REEP3: variants seen among roughly 807,000 people sequenced by gnomAD.
The protein encoded by REEP3 is receptor accessory protein 3.
Under a neutral mutation model 41.3 loss-of-function variants are expected in REEP3, and 20 were observed. The ratio of observed to expected loss-of-function variants is 0.48; its 90% CI spans 0.34 to 0.70. The LOEUF (loss-of-function observed/expected upper bound fraction) is 0.70, where lower values mean the gene tolerates loss of function less well. Among genes scored for constraint, REEP3 ranks in the 30% least tolerant of loss-of-function variants. REEP3 has a pLI of 0.01. For synonymous variants in REEP3, 104 were observed against 101.8 expected (o/e 1.02, Z -0.13); for missense variants, 271 against 308.8 (o/e 0.88, Z 0.92).
intron 5 of REEP3, among the ~76,000 whole-genome samples, 163 bp from the exon 6 acceptor site, chr10:63,610,024 A>G (rs1455387083): frequency 6.6e-6 from 1 of 152,210 alleles, no homozygotes; most frequent in Non-Finnish European, 1.5e-5. Context: ...GGTAGATGGT[A>G]GGTATGTGAG....
At chr10:63,594,958 C>A in intron 3 of REEP3, 104 bp downstream of exon 3, 1 of 754,534 alleles carries the variant, frequency 1.3e-6, no homozygotes, top group Non-Finnish European at 2.3e-6. Flanking sequence ...CATCAGGTTA[C>A]CTAATTATCC....
At chr10:63,580,331 C>G (rs1237190807) in intron 2 of REEP3, among the ~76,000 whole-genome samples, 1 of 152,068 alleles carries the variant, frequency 6.6e-6, no homozygotes, top group Non-Finnish European at 1.5e-5. Context: ...AGACGGGGGT[C>G]TCACTATGTT....
Position 63,597,495 on chromosome 10 carries a change from A to T in REEP3, c.183-529A>T, listed in dbSNP as rs566607919. ...GGCAGCTTTCCTATGCTTACTACAA[A>T]GGAAGATTCTTGTATTAGAATGAGG... is the stretch of plus-strand genomic sequence containing the variant. On this transcript the variant is annotated intron_variant, in intron 3 of 7. Coordinates refer to ENST00000373758, the MANE Select transcript of REEP3 (RefSeq NM_001001330.3). Among the ~76,000 whole-genome samples the T allele has an allele frequency of 2.6e-5, 4 of 152,334 alleles. No homozygotes were observed. In the South Asian group the frequency reaches 8.3e-4, roughly 32 times the overall value.
chr10:63,584,446 A>AC (rs1263407871), intron 2 of REEP3, among the ~76,000 whole-genome samples: 1 of 151,536 alleles, frequency 6.6e-6, no homozygotes, highest in African/African-American at 2.4e-5. Flanking sequence ...AAAAAAAAAA[A>AC]AAAACTATTT....
intron 1 of REEP3, among the ~76,000 whole-genome samples, chr10:63,550,719 G>C (rs1955621375): frequency 6.6e-6 from 1 of 152,116 alleles, no homozygotes; most frequent in African/African-American, 2.4e-5. Context: ...GGCCCAATAA[G>C]CCACAAACCT....
intron 1 of REEP3, among the ~76,000 whole-genome samples, chr10:63,533,987 C>T (rs537231297): frequency 6.6e-6 from 1 of 151,994 alleles, no homozygotes; most frequent in Admixed American, 6.5e-5. Flanking sequence ...GGATTGCAGA[C>T]ATGACCCACC....
In REEP3 at chr10:63,578,504, G is replaced by A. The variant is rs541273067; in HGVS notation, c.105+12094G>A. On this transcript the variant is annotated intron_variant, in intron 2 of 7. Coordinates refer to ENST00000373758, the MANE Select transcript of REEP3 (RefSeq NM_001001330.3). ...AAGTAATATATGGCCGGGCATGGTA[G>A]CTCACACCTATATCTCAGCACTTTG... Among the ~76,000 whole-genome samples the A allele has an allele frequency of 1.2e-4, 18 of 152,248 alleles. No individual in the cohort carries two copies. In the South Asian group the frequency reaches 3.7e-3, roughly 32 times the overall value.
rs557329140 is a variant in REEP3 at position 63,589,082 on chromosome 10, T to C, written c.106-5696T>C. ...CTTTCCAGGCTATAGTAAGCAATGATTGGGAACCATGGGAGGGGTTTGAGC... is the reference window on the plus strand; with the variant it reads ...CTTTCCAGGCTATAGTAAGCAATGACTGGGAACCATGGGAGGGGTTTGAGC... On this transcript the variant is annotated intron_variant, in intron 2 of 7. Coordinates refer to ENST00000373758, the MANE Select transcript of REEP3 (RefSeq NM_001001330.3). Among the ~76,000 whole-genome samples, 4 of 152,216 alleles carry C rather than the reference T, an allele frequency of 2.6e-5. No individual in the cohort carries two copies. The East Asian group carries it at 5.8e-4, about 22-fold the overall frequency.
intron 1 of REEP3, 39 bp downstream of exon 1, chr10:63,521,616 C>A: frequency 7.3e-7 from 1 of 1,368,682 alleles, no homozygotes; most frequent in South Asian, 1.6e-5. Context: ...CGGCGCGAGG[C>A]CCAGGGGAGC....
At chr10:63,571,218 A>G (rs1033513113) in intron 2 of REEP3, among the ~76,000 whole-genome samples, 3 of 152,196 alleles carry the variant, frequency 2.0e-5, no homozygotes, top group African/African-American at 7.2e-5. Flanking sequence ...ACGAGTTTCA[A>G]AGTACTTTTG....
intron 2 of REEP3, among the ~76,000 whole-genome samples, chr10:63,573,017 T>A (rs1400134150): frequency 6.6e-6 from 1 of 152,366 alleles, no homozygotes. Context: ...TATTTGGTTA[T>A]GACCTAAATT....
At chr10:63,531,591 C>T (rs1420953417) in intron 1 of REEP3, among the ~76,000 whole-genome samples, 2 of 152,164 alleles carry the variant, frequency 1.3e-5, no homozygotes, top group African/African-American at 4.8e-5. Context: ...TTAAATTTCT[C>T]AATACACTAG....
chr10:63,523,324 T>C (rs1333649481), intron 1 of REEP3, among the ~76,000 whole-genome samples: 2 of 152,076 alleles, frequency 1.3e-5, no homozygotes, highest in Non-Finnish European at 2.9e-5. Flanking sequence ...CAAGGGAGAT[T>C]ACGTTTCAGA....
intron 1 of REEP3, among the ~76,000 whole-genome samples, chr10:63,556,632 T>TG (rs1955687176): frequency 9.9e-5 from 4 of 40,438 alleles, no homozygotes; most frequent in African/African-American, 2.1e-4. Flanking sequence ...TTTTGTTGTT[T>TG]TGTTTTTTTT....
chr10:63,616,503 A>C (rs543380136), intron 6 of REEP3, among the ~76,000 whole-genome samples: 3 of 152,200 alleles, frequency 2.0e-5, no homozygotes, highest in Non-Finnish European at 4.4e-5. Flanking sequence ...TCAATCCATC[A>C]CTTTTCCTGA....
rs144943409 is a variant in REEP3 at position 63,587,707 on chromosome 10, G to C, written c.106-7071G>C. On this transcript the variant is annotated intron_variant, in intron 2 of 7. Transcript: ENST00000373758. ...GCTCTGCTCCCTGCCATCCCAGCCA[G>C]TAGGAAGGAAGAGCAAGTGGAAGAG... Among the ~76,000 whole-genome samples the C allele has an allele frequency of 1.3e-3, 191 of 152,260 alleles. No individual in the cohort carries two copies. The East Asian group carries it at 0.013, about 10-fold the overall frequency.
intron 2 of REEP3, among the ~76,000 whole-genome samples, chr10:63,580,868 C>T (rs1026840973): frequency 2.6e-5 from 4 of 151,864 alleles, no homozygotes; most frequent in African/African-American, 4.8e-5. Context: ...TAAAAATAGC[C>T]GGGCATAGAG....
At chr10:63,570,321 G>A (rs1368621960) in intron 2 of REEP3, among the ~76,000 whole-genome samples, 2 of 152,206 alleles carry the variant, frequency 1.3e-5, no homozygotes, top group African/African-American at 4.8e-5. Flanking sequence ...ATGTATATGT[G>A]TGTATTTAGT....
intron 1 of REEP3, 146 bp downstream of exon 1, chr10:63,521,723 C>T: frequency 2.4e-6 from 1 of 421,732 alleles, no homozygotes. Flanking sequence ...CTGGGGGAGC[C>T]CTCGGCTTCC....
Sources: allele counts gnomAD v4.1 joint callset (sites outside exome capture counted in the v4.1 genomes callset), GRCh38; gene constraint gnomAD v4.1.1; transcripts MANE v1.5; gene names NCBI Gene and HGNC (gene_info 2026-07-23, HGNC 2026-07-21).